Variants in PIEZO2 observed in about 807,000 individuals in gnomAD.
PIEZO2 encodes piezo type mechanosensitive ion channel component 2.
A neutral mutation model predicts 337.3 loss-of-function variants in PIEZO2; 172 were observed. The ratio of observed to expected loss-of-function variants is 0.51; its 90% CI spans 0.45 to 0.58. The LOEUF is 0.58. PIEZO2 is among the 20% of genes least tolerant of loss of function. The pLI, the probability that PIEZO2 is intolerant of heterozygous loss-of-function variation, is 0.00. For synonymous variants in PIEZO2, 1,251 were observed against 1,228.5 expected (o/e 1.02, Z -0.38); for missense variants, 3,028 against 3,391.3 (o/e 0.89, Z 2.66).
At chr18:10,867,125 C>T (rs371288588) in intron 5 of PIEZO2, among the ~76,000 whole-genome samples, 1 of 152,200 alleles carries the variant, frequency 6.6e-6, no homozygotes, top group African/African-American at 2.4e-5. Flanking sequence ...CAGCTTCTTA[C>T]CATTCTGAAT....
At chr18:10,777,967 T>C (rs1254651876) in intron 18 of PIEZO2, among the ~76,000 whole-genome samples, 2 of 152,218 alleles carry the variant, frequency 1.3e-5, no homozygotes, top group Non-Finnish European at 2.9e-5. Context: ...CAGTTGCAAC[T>C]TAACCACAAT....
At chr18:11,011,326 A>G (rs1264737481) in intron 2 of PIEZO2, among the ~76,000 whole-genome samples, 1 of 152,242 alleles carries the variant, frequency 6.6e-6, no homozygotes. Context: ...GATGGCATAA[A>G]GTTTGCAAAT....
At chr18:10,680,092 C>T (rs1162983909) in intron 52 of PIEZO2, 107 bp downstream of exon 52, 10 of 955,298 alleles carry the variant, frequency 1.0e-5, no homozygotes, top group African/African-American at 1.0e-4. Flanking sequence ...GTAAGATCCA[C>T]ATCAATCTAA....
At chr18:10,946,580 A>G (rs1436180482) in intron 3 of PIEZO2, among the ~76,000 whole-genome samples, 1 of 152,214 alleles carries the variant, frequency 6.6e-6, no homozygotes, top group Non-Finnish European at 1.5e-5. Context: ...AGACAGTGTC[A>G]TCAGGGTTGA....
At position 10,993,333 on chromosome 18, in the gene PIEZO2, A is replaced by G. The variant is rs910718175; in HGVS notation, c.161-13673T>C. On this transcript the variant is annotated intron_variant, in intron 2 of 55. Coordinates refer to ENST00000674853, the MANE Select transcript of PIEZO2 (RefSeq NM_001378183.1). This position sits in a 1 kb window ranked among gnomAD's most constrained non-coding sequence, Gnocchi z 5.0. The stretch of plus-strand genomic sequence containing the variant: ...CCAGTTTTTGCCCATTCAGTATGAT[A>G]TTGCCTGTGGGCCTATCATAAACAG... 3.3e-5 allele frequency among the ~76,000 whole-genome samples: 5 copies of G among 152,140 alleles called. No individual in the cohort carries two copies. The highest frequency in any genetic ancestry group is 3.3e-4 in the Admixed American group (5 of 15,274).
chr18:10,883,233 TATAA>T (rs1230371914), intron 4 of PIEZO2, among the ~76,000 whole-genome samples: 1 of 152,168 alleles, frequency 6.6e-6, no homozygotes, highest in East Asian at 1.9e-4. Flanking sequence ...AACAAGGGAG[TATAA>T]ATATCTCCTT....
rs11414260 is a variant in PIEZO2, at chr18:10,896,060, C to CAAA, written c.329+15123_329+15125dup. Reference sequence around the variant, plus strand: ...GAGCAAAAAGAGTGAAATTTCATCTCAAAAAAAAAAAACAAAAACGAAAAA... The same window carrying CAAA: ...GAGCAAAAAGAGTGAAATTTCATCTCAAAAAAAAAAAAAAACAAAAACGAAAAA... On this transcript the variant is annotated intron_variant, in intron 4 of 55. Transcript: ENST00000674853. Among the ~76,000 whole-genome samples, 228 of 119,446 alleles carry CAAA rather than the reference C, an allele frequency of 1.9e-3. 2 individuals carry two copies. The highest frequency in any genetic ancestry group is 5.2e-3 in the African/African-American group (162 of 31,132). 78.4% of individuals were successfully genotyped at this position (119,446 alleles called of 152,430 possible). A position where few individuals can be genotyped will look rare whatever the true frequency, so the allele number is the denominator to read the frequency against.
chr18:10,840,020 G>A (rs2041142898), intron 7 of PIEZO2, among the ~76,000 whole-genome samples: 1 of 152,178 alleles, frequency 6.6e-6, no homozygotes, highest in Non-Finnish European at 1.5e-5. Flanking sequence ...TTAACTGTTT[G>A]AAGTTAATTT....
chr18:10,751,532 T>C (rs1226879701), intron 28 of PIEZO2, among the ~76,000 whole-genome samples: 1 of 152,164 alleles, frequency 6.6e-6, no homozygotes, highest in Non-Finnish European at 1.5e-5. Context: ...TCAGACAAAA[T>C]AAATTATCCA....
intron 20 of PIEZO2, among the ~76,000 whole-genome samples, chr18:10,771,183 A>C (rs1466890931): frequency 6.6e-6 from 1 of 152,228 alleles, no homozygotes; most frequent in African/African-American, 2.4e-5. Context: ...TTAACTGGTG[A>C]GTGGTAAAGC....
chr18:10,913,038 CCCA>C (rs2030621094), intron 3 of PIEZO2, among the ~76,000 whole-genome samples: 1 of 151,562 alleles, frequency 6.6e-6, no homozygotes, highest in Non-Finnish European at 1.5e-5. Flanking sequence ...GGGAGTGGGT[CCCA>C]TGTGAATGTC....
At chr18:10,972,367 G>A (rs2034277021) in intron 3 of PIEZO2, among the ~76,000 whole-genome samples, 1 of 152,062 alleles carries the variant, frequency 6.6e-6, no homozygotes, top group Non-Finnish European at 1.5e-5. Flanking sequence ...GCAGGTCATG[G>A]GAGCAGATGA....
In PIEZO2 at chr18:11,148,831, G is replaced by C. The variant is rs554734496; in HGVS notation, c.-243C>G. 3 of 439,988 alleles carry C rather than the reference G, an allele frequency of 6.8e-6. No homozygotes were observed. Among genetic ancestry groups the C allele is most frequent in the Admixed American group, 9.0e-5 (2 of 22,332 alleles). 27.3% of individuals were successfully genotyped at this position (439,988 alleles called of 1,614,324 possible). Reference sequence around the variant, plus strand: ...CAGGCTCTTGGCGGCCACCTAGCCCGGCGCCCGGCCCCCTGCGGCCGGCCC... The same window carrying C: ...CAGGCTCTTGGCGGCCACCTAGCCCCGCGCCCGGCCCCCTGCGGCCGGCCC... On this transcript the variant is annotated 5_prime_UTR_variant, in exon 1 of 56. Transcript: ENST00000674853. This position sits in a 1 kb window ranked among gnomAD's most constrained non-coding sequence, Gnocchi z 5.2.
intron 3 of PIEZO2, among the ~76,000 whole-genome samples, chr18:10,921,405 T>C (rs1013537983): frequency 1.3e-5 from 2 of 152,194 alleles, no homozygotes; most frequent in African/African-American, 4.8e-5. Context: ...ACTTTTATAA[T>C]TTCCTATGTC....
At chr18:10,885,223 G>C (rs1568163939) in intron 4 of PIEZO2, among the ~76,000 whole-genome samples, 1 of 152,130 alleles carries the variant, frequency 6.6e-6, no homozygotes. Flanking sequence ...AGGAGATCGA[G>C]ACCATCCTGG....
chr18:10,703,065 G>A (rs150271913), intron 42 of PIEZO2, among the ~76,000 whole-genome samples: 230 of 152,188 alleles, frequency 1.5e-3, no homozygotes, highest in African/African-American at 5.4e-3. Flanking sequence ...TGTTGCCCAG[G>A]CTTGTCTTGA....
chr18:11,093,664 G>A (rs2039170650), intron 1 of PIEZO2, among the ~76,000 whole-genome samples: 1 of 134,698 alleles, frequency 7.4e-6, no homozygotes, highest in South Asian at 2.5e-4. Context: ...TCGGCTCACT[G>A]CAAGCTCCGC....
chr18:11,049,938 A>G (rs1249551442), intron 2 of PIEZO2, among the ~76,000 whole-genome samples: 2 of 152,206 alleles, frequency 1.3e-5, no homozygotes, highest in African/African-American at 4.8e-5. Flanking sequence ...TATTGTAGCC[A>G]AATAAAGCAA....
intron 7 of PIEZO2, among the ~76,000 whole-genome samples, chr18:10,809,357 G>T (rs1055172008): frequency 7.9e-6 from 1 of 125,926 alleles, no homozygotes; most frequent in Admixed American, 1.1e-4. Context: ...TGCAACCTCC[G>T]CCTCCCGGGT....
Sources: allele counts gnomAD v4.1 joint callset (sites outside exome capture counted in the v4.1 genomes callset), GRCh38; gene constraint gnomAD v4.1.1; non-coding constraint Gnocchi (gnomAD v3.1); transcripts MANE v1.5; gene names NCBI Gene and HGNC (gene_info 2026-07-23, HGNC 2026-07-21).